Variants in DCTN4 observed in about 807,000 individuals in gnomAD.
The protein encoded by DCTN4 is dynactin subunit 4, also known as dynactin 4 (p62).
A neutral mutation model predicts 62.7 loss-of-function variants in DCTN4; 23 were observed. The ratio of observed to expected loss-of-function variants is 0.37; its 90% CI spans 0.26 to 0.52. The LOEUF (loss-of-function observed/expected upper bound fraction) is 0.52. Among genes scored for constraint, DCTN4 ranks in the 20% least tolerant of loss-of-function variants. The probability of loss-of-function intolerance (pLI) is 0.92; values close to 1 mark genes in which losing one functional copy is unlikely to be tolerated. For synonymous variants in DCTN4, 199 were observed against 202.1 expected (o/e 0.98, Z 0.13); for missense variants, 514 against 580.4 (o/e 0.89, Z 1.18).
chr5:150,753,471 T>A lies in DCTN4; in HGVS notation c.385+8A>T, dbSNP rs750551018. On this transcript the variant is annotated splice_region_variant and intron_variant, in intron 3 of 12. Transcript: ENST00000447998. ...ACAAAATTTCATATTGAAGTCCATC[T>A]CACTCACCTACAGATTTGTCTGCCA... 1.9e-6 allele frequency: 3 copies of A among 1,611,134 alleles called. No homozygotes were observed. The highest frequency in any genetic ancestry group is 4.5e-5 in the East Asian group (2 of 44,834).
intron 1 of DCTN4, 41 bp downstream of exon 1, chr5:150,758,818 C>A (rs1752956435): frequency 6.2e-7 from 1 of 1,602,580 alleles, no homozygotes; most frequent in Admixed American, 1.7e-5. Flanking sequence ...AACGCCGCGC[C>A]CCCCCCACCC....
chr5:150,754,991 C>T (rs1318600280), intron 2 of DCTN4, among the ~76,000 whole-genome samples: 9 of 151,670 alleles, frequency 5.9e-5, no homozygotes. Flanking sequence ...ACAAAACATA[C>T]ACACAAGATG....
At chr5:150,727,162 T>G (rs17111309) in intron 8 of DCTN4, among the ~76,000 whole-genome samples, 7,739 of 152,242 alleles carry the variant, frequency 0.051, 661 homozygotes, top group African/African-American at 0.18. Flanking sequence ...CTGGGATATT[T>G]GAGGGCAGCT....
At chr5:150,747,484 C>T (rs1752497676) in intron 3 of DCTN4, among the ~76,000 whole-genome samples, 1 of 152,202 alleles carries the variant, frequency 6.6e-6, no homozygotes, top group Non-Finnish European at 1.5e-5. Context: ...ATTGCCAAGT[C>T]AATCCTAAGC....
At chr5:150,749,263 C>T (rs1752583484) in intron 3 of DCTN4, among the ~76,000 whole-genome samples, 1 of 152,010 alleles carries the variant, frequency 6.6e-6, no homozygotes, top group Non-Finnish European at 1.5e-5. Context: ...GTTTAAAAAA[C>T]CAAATCAAAA....
chr5:150,711,631 G>A (rs1372952926), intron 12 of DCTN4, among the ~76,000 whole-genome samples: 3 of 151,892 alleles, frequency 2.0e-5, no homozygotes, highest in East Asian at 1.9e-4. Context: ...TCAGCCTCCC[G>A]AGTAGCTGGG....
chr5:150,753,421 G>A (rs1752748092), intron 3 of DCTN4, 58 bp downstream of exon 3: 5 of 1,476,354 alleles, frequency 3.4e-6, no homozygotes, highest in Admixed American at 3.6e-5. Context: ...AATAATCTAT[G>A]GGCAATTATA....
At chr5:150,739,967 T>A (rs1173041531) in intron 4 of DCTN4, among the ~76,000 whole-genome samples, 2 of 152,076 alleles carry the variant, frequency 1.3e-5, no homozygotes, top group Admixed American at 6.5e-5. Context: ...CCTGAAACCA[T>A]AAAAATTCTA....
chr5:150,731,384 T>C (rs770428359), intron 6 of DCTN4, 32 bp downstream of exon 6: 3 of 1,567,456 alleles, frequency 1.9e-6, no homozygotes, highest in Non-Finnish European at 2.6e-6. Flanking sequence ...TACCTGCTGT[T>C]CTCCTCAAAG....
At chr5:150,715,534 G>T in intron 12 of DCTN4, 31 bp downstream of exon 12, 14 of 1,580,046 alleles carry the variant, frequency 8.9e-6, no homozygotes, top group Non-Finnish European at 1.2e-5. Flanking sequence ...TCAGCCATTT[G>T]TTGTATGGGG....
At chr5:150,712,034 T>A (rs1427766448) in intron 12 of DCTN4, among the ~76,000 whole-genome samples, 3 of 152,258 alleles carry the variant, frequency 2.0e-5, no homozygotes, top group Non-Finnish European at 2.9e-5. Flanking sequence ...AACTTTTCTC[T>A]ATTATAAACA....
chr5:150,720,716 C>T (rs566676388), intron 9 of DCTN4, among the ~76,000 whole-genome samples: 46 of 152,210 alleles, frequency 3.0e-4, no homozygotes, highest in South Asian at 6.2e-4. Flanking sequence ...AAGGCTCAAG[C>T]GATCCTCCTG....
chr5:150,715,642 C>T lies in DCTN4; in HGVS notation c.1092G>A (p.Glu364=), dbSNP rs1021282324. Residue 364 remains glutamate, a synonymous_variant, in exon 12 of 13, where the codon GAG becomes GAA. Coordinates refer to ENST00000447998, the MANE Select transcript of DCTN4 (RefSeq NM_016221.4). ...STAKVVVPPK[E]LVLAGKDAAA... ...CTGCATCCTTGCCAGCTAAAACGAGCTCTTTGGGAGGCACCACCACCTGGA... is the reference window on the plus strand; with the variant it reads ...CTGCATCCTTGCCAGCTAAAACGAGTTCTTTGGGAGGCACCACCACCTGGA... 8 of 1,613,994 alleles carry T rather than the reference C, an allele frequency of 5.0e-6. No individual in the cohort carries two copies. Among genetic ancestry groups the T allele is most frequent in the Non-Finnish European group, 5.9e-6 (7 of 1,180,014 alleles).
Position 150,729,042 on chromosome 5 carries a change from C to CCTTTTTTTTT in DCTN4, c.834+1588_834+1589insAAAAAAAAAG, listed in dbSNP as rs762124472. Among the ~76,000 whole-genome samples the CCTTTTTTTTT allele has an allele frequency of 4.0e-3, 207 of 52,150 alleles. 32 individuals carry two copies. Among genetic ancestry groups the CCTTTTTTTTT allele is most frequent in the African/African-American group, 8.1e-3 (106 of 13,134 alleles). The allele number at this position is 52,150 out of a possible 152,430, so 34.2% of individuals were successfully genotyped here. ...ACAAGTGTGTGAACCACCACACTGGCTTTTTTTTTTTTTTTTTTTTTTTTT... is the reference window on the plus strand; with the variant it reads ...ACAAGTGTGTGAACCACCACACTGGCCTTTTTTTTTTTTTTTTTTTTTTTTTTTTTTTTTT... On this transcript the variant is annotated intron_variant, in intron 8 of 12. Transcript: ENST00000447998.
chr5:150,718,334 T>C lies in DCTN4; in HGVS notation c.1013A>G (p.His338Arg), dbSNP rs757117294. Residue 338 changes from histidine to arginine, a missense_variant, in exon 11 of 13, where the codon CAT becomes CGT. Physicochemically the swap from His to Arg is conservative, Grantham distance 29. Coordinates refer to ENST00000447998, the MANE Select transcript of DCTN4 (RefSeq NM_016221.4). ...TLTNPVENLT[H>R]VTLFECEEGD... is the part of the protein sequence containing the mutation. ...CTCCTCACACTCGAAGAGAGTCACATGGGTGAGGTTCTCAACTGGATTTGT... is the reference window on the plus strand; with the variant it reads ...CTCCTCACACTCGAAGAGAGTCACACGGGTGAGGTTCTCAACTGGATTTGT... 1.2e-6 allele frequency: 2 copies of C among 1,614,004 alleles called. No individual in the cohort carries two copies. Among genetic ancestry groups the C allele is most frequent in the East Asian group, 4.5e-5 (2 of 44,880 alleles).
chr5:150,731,937 A>C lies in DCTN4; in HGVS notation c.538-448T>G, dbSNP rs762027984. The stretch of plus-strand genomic sequence containing the variant: ...GAGCCCCAAAATAGCAGCAGGTTGC[A>C]ACAGAGACAAAAAATGCAGCATAAG... On this transcript the variant is annotated intron_variant, in intron 5 of 12. Coordinates refer to ENST00000447998, the MANE Select transcript of DCTN4 (RefSeq NM_016221.4). The C allele has an allele frequency of 3.9e-6, 6 of 1,550,624 alleles. No homozygotes were observed. In the South Asian group the frequency reaches 7.1e-5, roughly 18 times the overall value.
rs769572145 is a variant in DCTN4 at position 150,711,284 on chromosome 5, G to A, written c.1248C>T (p.Thr416=). ...VTPQREEGEV[T]VCFKMKHDFK... ...AATCATGCTTCATCTTGAAGCACAC[G>A]GTCACTTCACCCTCCTCACGCTGTG... The change falls in exon 13 of 13, where the codon ACC becomes ACT. Residue 416 remains threonine, a synonymous_variant. Coordinates refer to ENST00000447998, the MANE Select transcript of DCTN4 (RefSeq NM_016221.4). The A allele has an allele frequency of 1.1e-5, 17 of 1,613,252 alleles. No individual in the cohort carries two copies. The highest frequency in any genetic ancestry group is 3.3e-5 in the Admixed American group (2 of 59,952).
At chr5:150,721,031 C>A (rs1759939484) in intron 9 of DCTN4, among the ~76,000 whole-genome samples, 1 of 152,114 alleles carries the variant, frequency 6.6e-6, no homozygotes, top group Non-Finnish European at 1.5e-5. Context: ...AAGGCATTTG[C>A]AAACATAATT....
intron 1 of DCTN4, among the ~76,000 whole-genome samples, chr5:150,756,952 C>A (rs1242840796): frequency 6.6e-6 from 1 of 152,198 alleles, no homozygotes; most frequent in Non-Finnish European, 1.5e-5. Context: ...TGAAGGCAAG[C>A]ATAAATATTT....
Sources: allele counts gnomAD v4.1 joint callset (sites outside exome capture counted in the v4.1 genomes callset), GRCh38; gene constraint gnomAD v4.1.1; transcripts MANE v1.5; gene names NCBI Gene and HGNC (gene_info 2026-07-23, HGNC 2026-07-21).